Variants in NXPE2 observed in about 807,000 individuals in gnomAD.
NXPE2 encodes the protein NXPE family member 2.
Under a neutral mutation model 34.4 loss-of-function variants are expected in NXPE2, and 34 were observed. That is an observed-to-expected ratio of 0.99 (90% CI 0.75 to 1.31). The LOEUF (loss-of-function observed/expected upper bound fraction) is 1.31. Among genes scored for constraint, NXPE2 ranks in the 40% most tolerant of loss-of-function variants. The pLI is 0.00. For missense variants in NXPE2, 649 were observed against 672.5 expected, an observed-to-expected ratio of 0.97 and a Z score of 0.39; for synonymous variants, 235 against 231.3, an observed-to-expected ratio of 1.02 and a Z score of -0.15.
At chr11:114,732,128 A>C in the NXPE2 span, among the ~76,000 whole-genome samples, 2,239 of 152,314 alleles carry the variant, frequency 0.015, 42 homozygotes, top group African/African-American at 0.05. Context: ...ACATACAATA[A>C]AATTTATTAA....
chr11:114,684,707 C>T (rs1284787881), intron 2 of NXPE2, among the ~76,000 whole-genome samples: 1 of 151,760 alleles, frequency 6.6e-6, no homozygotes, highest in Non-Finnish European at 1.5e-5. Context: ...ATCAGAGGCT[C>T]CAAAAATTTT....
At chr11:114,491,734 C>G in the NXPE2 span, among the ~76,000 whole-genome samples, 1 of 152,068 alleles carries the variant, frequency 6.6e-6, no homozygotes, top group Non-Finnish European at 1.5e-5. Flanking sequence ...GCACTAATCA[C>G]AATAGCAAAG....
At chr11:114,804,454 A>C in the NXPE2 span, among the ~76,000 whole-genome samples, 1 of 152,220 alleles carries the variant, frequency 6.6e-6, no homozygotes, top group Middle Eastern at 3.2e-3. Context: ...ATCAATAGAC[A>C]ATTAACTTGC....
At chr11:114,695,830 A>AACACACACACACACACACAC (rs67132329) in intron 2 of NXPE2, among the ~76,000 whole-genome samples, 2,562 of 132,508 alleles carry the variant, frequency 0.019, 57 homozygotes, top group South Asian at 0.024. Context: ...GTCTCTACTA[A>AACACACACACACACACACAC]ACACACACAC....
the NXPE2 span, among the ~76,000 whole-genome samples, chr11:114,615,119 A>G: frequency 6.6e-6 from 1 of 151,512 alleles, no homozygotes; most frequent in Non-Finnish European, 1.5e-5. Context: ...ACCACTGTTA[A>G]CAGGTGCATA....
chr11:114,572,632 C>A, the NXPE2 span, among the ~76,000 whole-genome samples: 5 of 152,068 alleles, frequency 3.3e-5, no homozygotes, highest in Admixed American at 2.0e-4. Context: ...AGCTAGAAGA[C>A]AAGGCTTTAG....
chr11:114,734,897 A>G, the NXPE2 span, among the ~76,000 whole-genome samples: 2 of 152,292 alleles, frequency 1.3e-5, no homozygotes, highest in Non-Finnish European at 2.9e-5. Flanking sequence ...TCACAAGGTC[A>G]GGAGATCAAA....
chr11:114,496,825 G>A, the NXPE2 span, among the ~76,000 whole-genome samples: 1 of 152,244 alleles, frequency 6.6e-6, no homozygotes, highest in African/African-American at 2.4e-5. Context: ...ATTGCCTAGT[G>A]ATGTAGTAGC....
chr11:114,528,544 G>T, the NXPE2 span, among the ~76,000 whole-genome samples: 1 of 152,216 alleles, frequency 6.6e-6, no homozygotes, highest in East Asian at 1.9e-4. Flanking sequence ...TAATGTGTGT[G>T]TCTGGTCCAC....
At chr11:114,678,523 C>T (rs1458068479), upstream of NXPE2, 4 of 1,416,050 alleles carry the variant, frequency 2.8e-6, no homozygotes, top group African/African-American at 4.3e-5. Flanking sequence ...GCAAAGACTG[C>T]TTTAATCAAG....
the NXPE2 span, among the ~76,000 whole-genome samples, chr11:114,560,932 TC>T: frequency 5.3e-5 from 8 of 152,190 alleles, no homozygotes; most frequent in Admixed American, 1.3e-4. Flanking sequence ...AGTTTCTCTG[TC>T]TTTTTGTGGC....
chr11:114,633,257 A>G, the NXPE2 span, among the ~76,000 whole-genome samples: 1 of 134,974 alleles, frequency 7.4e-6, no homozygotes, highest in Non-Finnish European at 1.5e-5. Context: ...TATAATATAT[A>G]AGAATGTTAT....
At chr11:114,527,652 CA>C in the NXPE2 span, among the ~76,000 whole-genome samples, 2 of 152,176 alleles carry the variant, frequency 1.3e-5, no homozygotes, top group African/African-American at 4.8e-5. Flanking sequence ...TTGGATATAT[CA>C]AGATGTAATC....
the NXPE2 span, among the ~76,000 whole-genome samples, chr11:114,803,481 G>A: frequency 1.3e-5 from 2 of 152,142 alleles, no homozygotes; most frequent in Non-Finnish European, 2.9e-5. Context: ...CCAAGGCACT[G>A]GTGGTATCTG....
chr11:114,790,215 G>A, the NXPE2 span, among the ~76,000 whole-genome samples: 1 of 152,146 alleles, frequency 6.6e-6, no homozygotes, highest in Non-Finnish European at 1.5e-5. Flanking sequence ...ACCCCAGAAA[G>A]GATTACAATT....
chr11:114,480,080 C>T, the NXPE2 span, among the ~76,000 whole-genome samples: 1 of 152,166 alleles, frequency 6.6e-6, no homozygotes, highest in Non-Finnish European at 1.5e-5. Flanking sequence ...ACCCCATGAC[C>T]CAAACATTTC....
At chr11:114,639,173 G>A in the NXPE2 span, among the ~76,000 whole-genome samples, 2 of 151,928 alleles carry the variant, frequency 1.3e-5, no homozygotes, top group African/African-American at 4.8e-5. Context: ...GGGCAATGGT[G>A]GGCACCCCTC....
At chr11:114,776,987 AC>A in the NXPE2 span, among the ~76,000 whole-genome samples, 1 of 152,214 alleles carries the variant, frequency 6.6e-6, no homozygotes, top group Non-Finnish European at 1.5e-5. Flanking sequence ...GAAAGAAAAA[AC>A]ATTTTTATTT....
chr11:114,638,146 G>A, the NXPE2 span, among the ~76,000 whole-genome samples: 29 of 151,732 alleles, frequency 1.9e-4, no homozygotes, highest in African/African-American at 6.0e-4. Context: ...CATATTTCTC[G>A]GAGGCTTTGT....
Sources: gnomAD v4.1 joint callset for allele counts (sites outside exome capture counted in the v4.1 genomes callset) on GRCh38, gnomAD v4.1.1 for gene constraint, MANE v1.5 for transcripts, NCBI Gene and HGNC (gene_info 2026-07-23, HGNC 2026-07-21) for gene names.